Variants in ABLIM1 observed in about 807,000 individuals in gnomAD.
ABLIM1 encodes actin-binding LIM protein 1.
A neutral mutation model predicts 107.0 loss-of-function variants in ABLIM1; 40 were observed. The ratio of observed to expected loss-of-function variants is 0.37; its 90% CI spans 0.29 to 0.49. ABLIM1 has a LOEUF of 0.49. Among genes scored for constraint, ABLIM1 ranks in the 20% least tolerant of loss-of-function variants. ABLIM1 has a pLI of 0.97. For missense variants in ABLIM1, 857 were observed against 1,008.5 expected (o/e 0.85, Z 2.04); for synonymous variants, 357 against 357.3 (o/e 1.00, Z 0.01).
chr10:114,558,902 A>AGTGTGTGTGTGTGTGTGT (rs377352513), intron 4 of ABLIM1, among the ~76,000 whole-genome samples: 2,038 of 148,626 alleles, frequency 0.014, 46 homozygotes, highest in African/African-American at 0.037. Flanking sequence ...AGGGAGAACT[A>AGTGTGTGTGTGTGTGTGT]GTGTGTGTGT....
At chr10:114,690,693 T>G (rs902773446) in intron 1 of ABLIM1, 19 of 492,238 alleles carry the variant, frequency 3.9e-5, no homozygotes, top group Middle Eastern at 4.1e-4. Context: ...AGCCTATTTT[T>G]TTTTTTGAGA....
Position 114,432,288 on chromosome 10 carries a change from A to G in ABLIM1, c.*3972T>C, listed in dbSNP as rs1411239060. ...ACCAGAAACACAGAAGAGGTGGTTAATAAAAACTGAGATTGCTTCAGAGGA... is the reference window on the plus strand; with the variant it reads ...ACCAGAAACACAGAAGAGGTGGTTAGTAAAAACTGAGATTGCTTCAGAGGA... On this transcript the variant is annotated 3_prime_UTR_variant, in exon 23 of 23. Coordinates refer to ENST00000533213, the MANE Select transcript of ABLIM1 (RefSeq NM_002313.7). The G allele has an allele frequency of 6.6e-6, 1 of 152,220 alleles. No homozygotes were observed. The highest frequency in any genetic ancestry group is 2.4e-5 in the African/African-American group (1 of 41,454). The allele number at this position is 152,220 out of a possible 1,614,324, so 9.4% of individuals were successfully genotyped here.
At chr10:114,560,153 C>T (rs2069473675) in intron 4 of ABLIM1, among the ~76,000 whole-genome samples, 1 of 152,166 alleles carries the variant, frequency 6.6e-6, no homozygotes, top group Admixed American at 6.5e-5. Context: ...TACCAAGACC[C>T]AAAAGGATTA....
At chr10:114,676,417 C>T (rs997452393) in intron 1 of ABLIM1, among the ~76,000 whole-genome samples, 2 of 151,796 alleles carry the variant, frequency 1.3e-5, no homozygotes, top group East Asian at 3.9e-4. Flanking sequence ...GCGGAGATTG[C>T]AGTGAACCGA....
chr10:114,717,412 C>A, intron 1 of ABLIM1, among the ~76,000 whole-genome samples: 1 of 152,190 alleles, frequency 6.6e-6, no homozygotes, highest in East Asian at 1.9e-4. Flanking sequence ...AATTGCAGCA[C>A]TTTTGACATT....
rs550113133 is a variant in ABLIM1 at position 114,545,334 on chromosome 10, C to T, written c.801-236G>A. 3.3e-5 allele frequency among the ~76,000 whole-genome samples: 5 copies of T among 152,330 alleles called. No homozygotes were observed. In the South Asian group the frequency reaches 8.3e-4, roughly 25 times the overall value. On this transcript the variant is annotated intron_variant, in intron 5 of 22. Coordinates refer to ENST00000533213, the MANE Select transcript of ABLIM1 (RefSeq NM_002313.7). ...TGCCACACAGGCGAAACAGCCATGT[C>T]GCCATATGGTCACCCTTGCCGATTT...
chr10:114,630,224 T>A (rs2078082725), intron 1 of ABLIM1, among the ~76,000 whole-genome samples: 1 of 152,228 alleles, frequency 6.6e-6, no homozygotes, highest in South Asian at 2.1e-4. Context: ...GCTTTGTAAT[T>A]CCCTTTCCCA....
At chr10:114,690,406 A>G in intron 1 of ABLIM1, 1 of 1,605,032 alleles carries the variant, frequency 6.2e-7, no homozygotes, top group East Asian at 2.2e-5. Flanking sequence ...TTCTCCCCAT[A>G]GATGGACTTG....
At chr10:114,784,069 C>T in the ABLIM1 span, among the ~76,000 whole-genome samples, 5 of 151,910 alleles carry the variant, frequency 3.3e-5, no homozygotes, top group African/African-American at 7.3e-5. Context: ...ACGGATGGGC[C>T]GGGCGCAGTG....
chr10:114,435,568 T>C lies in ABLIM1; in HGVS notation c.*692A>G, dbSNP rs2059291032. On this transcript the variant is annotated 3_prime_UTR_variant, in exon 23 of 23. Transcript: ENST00000533213. ...GAAGGTTTCCTTTCATTCCTGTTCCTTCTCTTTTGCTTTTGAACAGTTTTT... is the reference window on the plus strand; with the variant it reads ...GAAGGTTTCCTTTCATTCCTGTTCCCTCTCTTTTGCTTTTGAACAGTTTTT... The C allele has an allele frequency of 6.6e-6, 1 of 152,238 alleles. No homozygotes were observed. Among genetic ancestry groups the C allele is most frequent in the Non-Finnish European group, 1.5e-5 (1 of 68,042 alleles). 9.4% of individuals were successfully genotyped at this position (152,238 alleles called of 1,614,324 possible). A position where few individuals can be genotyped will look rare whatever the true frequency, so the allele number is the denominator to read the frequency against.
intron 1 of ABLIM1, among the ~76,000 whole-genome samples, chr10:114,731,394 G>A (rs1029005900): frequency 1.1e-4 from 17 of 151,700 alleles, no homozygotes; most frequent in African/African-American, 3.2e-4. Context: ...TGCGTGCCTC[G>A]GCCTCCCAAA....
At chr10:114,675,149 C>G (rs2080425793) in intron 1 of ABLIM1, among the ~76,000 whole-genome samples, 1 of 152,100 alleles carries the variant, frequency 6.6e-6, no homozygotes. Context: ...TATCCACAAT[C>G]ATTGAAGAGC....
intron 14 of ABLIM1, among the ~76,000 whole-genome samples, chr10:114,449,825 A>G (rs1023295933): frequency 1.3e-5 from 2 of 152,132 alleles, no homozygotes; most frequent in African/African-American, 4.8e-5. Flanking sequence ...CATAACAACT[A>G]TTTCTTTGGC....
intron 1 of ABLIM1, chr10:114,684,172 T>G (rs1309922883): frequency 1.7e-5 from 17 of 972,790 alleles, no homozygotes; most frequent in Admixed American, 2.6e-5. Context: ...TTTTACTTAT[T>G]ATCATAAGTG....
At chr10:114,752,226 C>A (rs185123481) in intron 1 of ABLIM1, among the ~76,000 whole-genome samples, 8 of 152,146 alleles carry the variant, frequency 5.3e-5, no homozygotes, top group African/African-American at 1.7e-4. Flanking sequence ...AATGGAGGTC[C>A]CGGAGGGCAC....
chr10:114,687,078 C>T (rs2080959012), upstream of ABLIM1, among the ~76,000 whole-genome samples: 1 of 152,210 alleles, frequency 6.6e-6, no homozygotes, highest in South Asian at 2.1e-4. Context: ...AAGTGACCGT[C>T]ACTTAGCAAA....
intron 6 of ABLIM1, among the ~76,000 whole-genome samples, chr10:114,505,522 T>G (rs1185472581): frequency 1.3e-5 from 2 of 152,194 alleles, no homozygotes; most frequent in African/African-American, 2.4e-5. Flanking sequence ...ATAGTACAAT[T>G]AAGTGCATTT....
chr10:114,765,468 A>AAAGGACTTCCTATTGATAAGTT (rs2082870291), intron 1 of ABLIM1, among the ~76,000 whole-genome samples: 1 of 152,244 alleles, frequency 6.6e-6, no homozygotes, highest in Non-Finnish European at 1.5e-5. Flanking sequence ...TCAAGGATCT[A>AAAGGACTTCCTATTGATAAGTT]AAGGACTTCC....
rs184469618 is a variant in ABLIM1 at position 114,478,693 on chromosome 10, T to G, written c.1042-4737A>C. Among the ~76,000 whole-genome samples the G allele has an allele frequency of 1.9e-3, 297 of 152,346 alleles. 1 individual carries two copies. The highest frequency in any genetic ancestry group is 6.8e-3 in the African/African-American group (282 of 41,582). ...GAACTGTGGGTCAATTAAACCTCTTTTCTTTATAAATTACCCCGTCTTGGG... is the reference window on the plus strand; with the variant it reads ...GAACTGTGGGTCAATTAAACCTCTTGTCTTTATAAATTACCCCGTCTTGGG... On this transcript the variant is annotated intron_variant, in intron 8 of 22. Coordinates refer to ENST00000533213, the MANE Select transcript of ABLIM1 (RefSeq NM_002313.7).
Sources: gnomAD v4.1 joint callset for allele counts (sites outside exome capture counted in the v4.1 genomes callset) on GRCh38, gnomAD v4.1.1 for gene constraint, MANE v1.5 for transcripts, NCBI Gene and HGNC (gene_info 2026-07-23, HGNC 2026-07-21) for gene names.